Variants in EPHA6 observed in about 807,000 individuals in gnomAD.
EPHA6 encodes the protein ephrin type-A receptor 6.
Under a neutral mutation model 112.0 loss-of-function variants are expected in EPHA6, and 50 were observed. The ratio of observed to expected loss-of-function variants is 0.45; its 90% CI spans 0.36 to 0.56. The LOEUF (loss-of-function observed/expected upper bound fraction) is 0.56. EPHA6 is among the 20% of genes least tolerant of loss of function. The pLI, the probability that EPHA6 is intolerant of heterozygous loss-of-function variation, is 0.00. For synonymous variants in EPHA6, 529 were observed against 490.7 expected, an observed-to-expected ratio of 1.08 and a Z score of -1.03; for missense variants, 1,280 against 1,417.4, an observed-to-expected ratio of 0.90 and a Z score of 1.56.
intron 3 of EPHA6, among the ~76,000 whole-genome samples, chr3:97,002,046 T>G (rs887383049): frequency 1.3e-5 from 2 of 152,064 alleles, no homozygotes; most frequent in African/African-American, 4.8e-5. Context: ...TATTCTCATT[T>G]CTTGGTTTTA....
intron 3 of EPHA6, among the ~76,000 whole-genome samples, chr3:97,023,504 C>A (rs1033405475): frequency 2.0e-5 from 3 of 151,776 alleles, no homozygotes; most frequent in African/African-American, 7.3e-5. Flanking sequence ...TTATAATTTA[C>A]CTTCTAAGAT....
intron 3 of EPHA6, among the ~76,000 whole-genome samples, chr3:97,019,235 G>A (rs898177214): frequency 2.0e-5 from 3 of 152,018 alleles, no homozygotes; most frequent in African/African-American, 4.8e-5. Flanking sequence ...GTGGCTTGCC[G>A]CCCACATTTA....
At chr3:97,699,575 TCTTAA>T (rs2033245614) in intron 14 of EPHA6, among the ~76,000 whole-genome samples, 1 of 152,180 alleles carries the variant, frequency 6.6e-6, no homozygotes, top group African/African-American at 2.4e-5. Context: ...GAATCTTAAC[TCTTAA>T]CTTCTGTACT....
In EPHA6 at chr3:97,679,641, A is replaced by G. The variant is rs373512889; in HGVS notation, c.2785-40620A>G. Among the ~76,000 whole-genome samples the G allele has an allele frequency of 9.8e-5, 15 of 152,292 alleles. No individual in the cohort carries two copies. The South Asian group carries it at 2.7e-3, about 27-fold the overall frequency. On this transcript the variant is annotated intron_variant, in intron 14 of 17. Transcript: ENST00000389672. ...TACACCTAAGAGTAAACAACCTCAG[A>G]TATTTTGGGTTTTGCCTTCATCTTG...
At chr3:97,550,031 A>G (rs1403683483) in intron 11 of EPHA6, among the ~76,000 whole-genome samples, 2 of 152,158 alleles carry the variant, frequency 1.3e-5, no homozygotes, top group Non-Finnish European at 2.9e-5. Flanking sequence ...AAGGAAAATT[A>G]TTTGCCAAAG....
intron 5 of EPHA6, among the ~76,000 whole-genome samples, chr3:97,312,095 G>A (rs891447285): frequency 3.3e-5 from 5 of 151,266 alleles, no homozygotes; most frequent in Non-Finnish European, 7.4e-5. Context: ...TTTGTTGCTA[G>A]CATATAGAAA....
At chr3:97,154,880 A>C (rs1559761387) in intron 3 of EPHA6, among the ~76,000 whole-genome samples, 1 of 152,186 alleles carries the variant, frequency 6.6e-6, no homozygotes, top group African/African-American at 2.4e-5. Flanking sequence ...TAATTGACTA[A>C]AATATGCATA....
intron 3 of EPHA6, among the ~76,000 whole-genome samples, chr3:97,083,112 T>A (rs1460594250): frequency 6.6e-6 from 1 of 151,978 alleles, no homozygotes; most frequent in Non-Finnish European, 1.5e-5. Flanking sequence ...AATTAACAGT[T>A]GTGCTTAATC....
At position 97,747,323 on chromosome 3, in the gene EPHA6, A is replaced by G. The variant is rs753948911; in HGVS notation, c.3129-100A>G. On this transcript the variant is annotated intron_variant, in intron 16 of 17. Coordinates refer to ENST00000389672, the MANE Select transcript of EPHA6 (RefSeq NM_001080448.3). ...TTCAAATGGAGAATAAAAACATTAGATGTAAGAATATTGTAAAAGTAAAAA... is the reference window on the plus strand; with the variant it reads ...TTCAAATGGAGAATAAAAACATTAGGTGTAAGAATATTGTAAAAGTAAAAA... 138 of 1,017,254 alleles carry G rather than the reference A, an allele frequency of 1.4e-4. 1 individual carries two copies. The highest frequency in any genetic ancestry group is 1.7e-5 in the African/African-American group (1 of 59,544). 63.0% of individuals were successfully genotyped at this position (1,017,254 alleles called of 1,614,324 possible). A position where few individuals can be genotyped will look rare whatever the true frequency, so the allele number is the denominator to read the frequency against.
chr3:97,270,089 G>C (rs2079829546), intron 5 of EPHA6, among the ~76,000 whole-genome samples: 2 of 151,978 alleles, frequency 1.3e-5, no homozygotes, highest in East Asian at 3.9e-4. Context: ...TTGTTGCCTA[G>C]ACGTAGTCAA....
At chr3:97,499,943 A>C (rs1577587380) in intron 10 of EPHA6, among the ~76,000 whole-genome samples, 1 of 152,140 alleles carries the variant, frequency 6.6e-6, no homozygotes, top group African/African-American at 2.4e-5. Context: ...TTCAATAATA[A>C]ATTTTATTTT....
chr3:97,498,263 A>C (rs2092029551), intron 10 of EPHA6, among the ~76,000 whole-genome samples: 1 of 151,922 alleles, frequency 6.6e-6, no homozygotes, highest in Non-Finnish European at 1.5e-5. Flanking sequence ...AGTGAGAAGC[A>C]AATCCAAGAG....
At chr3:97,381,062 C>G (rs1254908683) in intron 5 of EPHA6, among the ~76,000 whole-genome samples, 1 of 151,952 alleles carries the variant, frequency 6.6e-6, no homozygotes, top group Non-Finnish European at 1.5e-5. Flanking sequence ...TTGGCTTTAA[C>G]ATACCATAGG....
At chr3:97,025,517 G>T (rs1393015148) in intron 3 of EPHA6, among the ~76,000 whole-genome samples, 1 of 152,062 alleles carries the variant, frequency 6.6e-6, no homozygotes, top group Non-Finnish European at 1.5e-5. Context: ...TGCTTTTGTT[G>T]CAATTGCTTT....
chr3:97,636,318 T>G (rs2093944553), intron 13 of EPHA6, among the ~76,000 whole-genome samples: 1 of 152,124 alleles, frequency 6.6e-6, no homozygotes, highest in African/African-American at 2.4e-5. Flanking sequence ...TCAAGATTCC[T>G]AATAGAAGAG....
intron 3 of EPHA6, among the ~76,000 whole-genome samples, chr3:97,014,181 CGATA>C (rs900284263): frequency 7.9e-5 from 12 of 151,984 alleles, no homozygotes; most frequent in East Asian, 1.9e-4. Context: ...ATAAAAAGAG[CGATA>C]GATAGGTCAA....
At chr3:97,082,260 T>A (rs774584615) in intron 3 of EPHA6, among the ~76,000 whole-genome samples, 12 of 151,908 alleles carry the variant, frequency 7.9e-5, no homozygotes, top group Non-Finnish European at 1.6e-4. Flanking sequence ...GTATTACTTT[T>A]AATGTTGGAA....
At chr3:97,127,549 C>T (rs1308416500) in intron 3 of EPHA6, among the ~76,000 whole-genome samples, 1 of 151,854 alleles carries the variant, frequency 6.6e-6, no homozygotes, top group Admixed American at 6.6e-5. Flanking sequence ...GGTGAAACCC[C>T]GTCTCTACTA....
chr3:97,134,017 C>T (rs912344570), intron 3 of EPHA6, among the ~76,000 whole-genome samples: 12 of 151,614 alleles, frequency 7.9e-5, no homozygotes, highest in Non-Finnish European at 1.5e-4. Flanking sequence ...TTGTTTTTGC[C>T]ACTGTTTGTT....
Sources: allele counts gnomAD v4.1 joint callset (sites outside exome capture counted in the v4.1 genomes callset), GRCh38; gene constraint gnomAD v4.1.1; transcripts MANE v1.5; gene names NCBI Gene and HGNC (gene_info 2026-07-23, HGNC 2026-07-21).